EXOC6: variants seen among roughly 807,000 people sequenced by gnomAD.
EXOC6 encodes exocyst complex component 6.
In EXOC6, 60 loss-of-function variants were observed where a neutral mutation model predicts 112.5. The ratio of observed to expected loss-of-function variants is 0.53; its 90% CI spans 0.43 to 0.66. The LOEUF is 0.66. EXOC6 is among the 30% of genes least tolerant of loss of function. The pLI is 0.00. For synonymous variants in EXOC6, 295 were observed against 308.0 expected (o/e 0.96, Z 0.44); for missense variants, 855 against 957.1 (o/e 0.89, Z 1.41).
intron 18 of EXOC6, among the ~76,000 whole-genome samples, chr10:92,992,700 T>A (rs1254243721): frequency 6.6e-6 from 1 of 151,500 alleles, no homozygotes; most frequent in East Asian, 1.9e-4. Context: ...TTCAATTAAC[T>A]ATTTTTAATT....
chr10:92,839,729 G>A (rs1257019052), intron 1 of EXOC6, among the ~76,000 whole-genome samples: 1 of 151,982 alleles, frequency 6.6e-6, no homozygotes, highest in Non-Finnish European at 1.5e-5. Flanking sequence ...TGTCTGAACC[G>A]ACTTGGGTTC....
chr10:93,003,895 G>T (rs568756732), intron 19 of EXOC6, among the ~76,000 whole-genome samples: 8 of 152,098 alleles, frequency 5.3e-5, no homozygotes, highest in Non-Finnish European at 1.2e-4. Flanking sequence ...GAATGAGACA[G>T]ACAAAAGCAC....
intron 20 of EXOC6, among the ~76,000 whole-genome samples, chr10:93,017,196 A>G (rs1844565338): frequency 6.6e-6 from 1 of 152,050 alleles, no homozygotes; most frequent in East Asian, 1.9e-4. Context: ...GCAGTTTACA[A>G]TTGGCTACAG....
In EXOC6 at chr10:92,954,682, A is replaced by C; in HGVS notation, c.1579A>C (p.Arg527=). The change falls in exon 16 of 22, where the codon AGA becomes CGA. Residue 527 remains arginine (R), a synonymous_variant. Transcript: ENST00000260762. ...AAAATCAACAAATCTGCTGCTGACC[A>C]GAACTTTGAGTAGCTGTTTACTGAA... ...LRKSTNLLLT[R]TLSSCLLNLI... 1.2e-6 allele frequency: 2 copies of C among 1,610,746 alleles called. No individual in the cohort carries two copies. The highest frequency in any genetic ancestry group is 1.7e-6 in the Non-Finnish European group (2 of 1,177,992).
chr10:92,905,884 A>G (rs1309077218), intron 5 of EXOC6, among the ~76,000 whole-genome samples: 1 of 152,110 alleles, frequency 6.6e-6, no homozygotes, highest in Non-Finnish European at 1.5e-5. Context: ...CAGTTCAGCT[A>G]TGTCCTTATT....
At chr10:92,857,576 A>C (rs887016568) in intron 1 of EXOC6, among the ~76,000 whole-genome samples, 2 of 152,136 alleles carry the variant, frequency 1.3e-5, no homozygotes, top group Non-Finnish European at 2.9e-5. Context: ...CTTACTCCAG[A>C]ATGGCTTTGC....
chr10:93,001,821 T>A (rs1323407232), intron 19 of EXOC6, among the ~76,000 whole-genome samples: 7 of 152,220 alleles, frequency 4.6e-5, no homozygotes, highest in Non-Finnish European at 1.0e-4. Context: ...AGCTCTTACA[T>A]GTCTCTAAAT....
chr10:92,888,895 A>C (rs534878351), intron 1 of EXOC6, among the ~76,000 whole-genome samples: 74 of 152,216 alleles, frequency 4.9e-4, no homozygotes, highest in Admixed American at 2.2e-3. Context: ...GAATTTTAGT[A>C]CTGCCTCAGT....
intron 1 of EXOC6, among the ~76,000 whole-genome samples, chr10:92,850,499 A>G (rs978653300): frequency 2.0e-5 from 3 of 152,212 alleles, no homozygotes; most frequent in African/African-American, 7.2e-5. Flanking sequence ...TGTTTAAGCT[A>G]CTACTATTTT....
At chr10:92,887,541 A>C (rs1031490021) in intron 1 of EXOC6, among the ~76,000 whole-genome samples, 4 of 151,490 alleles carry the variant, frequency 2.6e-5, no homozygotes, top group African/African-American at 9.7e-5. Flanking sequence ...CTGGGATTAC[A>C]GGCGCCCGCC....
At chr10:92,983,892 A>C (rs1842913494) in intron 18 of EXOC6, among the ~76,000 whole-genome samples, 1 of 152,196 alleles carries the variant, frequency 6.6e-6, no homozygotes, top group Non-Finnish European at 1.5e-5. Context: ...TTCTATTTGA[A>C]ATAAGGGAGT....
At chr10:92,830,689 G>C (rs77956429), upstream of EXOC6, among the ~76,000 whole-genome samples, 522 of 152,236 alleles carry the variant, frequency 3.4e-3, 1 homozygote, top group African/African-American at 0.012. Flanking sequence ...AATCAAATAT[G>C]TCTCCCGACA....
chr10:93,031,427 CTG>C (rs1202271902), intron 20 of EXOC6, among the ~76,000 whole-genome samples: 1 of 151,168 alleles, frequency 6.6e-6, no homozygotes, highest in Non-Finnish European at 1.5e-5. Flanking sequence ...TTGTTCTTAT[CTG>C]TGTTCTGATC....
At chr10:93,002,600 C>A (rs1269851068) in intron 19 of EXOC6, among the ~76,000 whole-genome samples, 1 of 152,112 alleles carries the variant, frequency 6.6e-6, no homozygotes. Context: ...ATGGACCTCT[C>A]CTTTGTATCT....
At chr10:92,848,487 C>T (rs1228316572), upstream of EXOC6, 41 of 1,260,302 alleles carry the variant, frequency 3.3e-5, no homozygotes, top group Non-Finnish European at 3.7e-5. Context: ...TCGCCCCCGT[C>T]GTTCCCGCGG....
chr10:92,869,824 C>T (rs2133716150), intron 1 of EXOC6, among the ~76,000 whole-genome samples: 1 of 152,074 alleles, frequency 6.6e-6, no homozygotes, highest in African/African-American at 2.4e-5. Context: ...AGATTGCTTT[C>T]TCTAGTCTAA....
intron 5 of EXOC6, among the ~76,000 whole-genome samples, chr10:92,907,061 T>C (rs1270844518): frequency 6.6e-6 from 1 of 152,142 alleles, no homozygotes; most frequent in African/African-American, 2.4e-5. Context: ...CTGCCTAAAA[T>C]GATAAACTTT....
intron 1 of EXOC6, among the ~76,000 whole-genome samples, chr10:92,853,686 A>G (rs1847458975): frequency 6.6e-6 from 1 of 152,234 alleles, no homozygotes; most frequent in Non-Finnish European, 1.5e-5. Flanking sequence ...ATATCCTTAC[A>G]TAAAATAATG....
At chr10:92,977,173 C>G (rs1564880880) in intron 18 of EXOC6, among the ~76,000 whole-genome samples, 1 of 152,072 alleles carries the variant, frequency 6.6e-6, no homozygotes, top group South Asian at 2.1e-4. Flanking sequence ...ATAACTCCCA[C>G]AAGCTTAGTG....
Sources: gnomAD v4.1 joint callset for allele counts (sites outside exome capture counted in the v4.1 genomes callset) on GRCh38, gnomAD v4.1.1 for gene constraint, MANE v1.5 for transcripts, NCBI Gene and HGNC (gene_info 2026-07-23, HGNC 2026-07-21) for gene names.